The following TSPAN9 variants were observed in gnomAD, a reference collection of about 807,000 sequenced individuals.
TSPAN9 encodes the protein tetraspanin-9.
A neutral mutation model predicts 31.0 loss-of-function variants in TSPAN9; 16 were observed. The ratio of observed to expected loss-of-function variants is 0.52; its 90% confidence interval spans 0.35 to 0.78. TSPAN9 has a LOEUF of 0.78. Among genes scored for constraint, TSPAN9 ranks in the 30% least tolerant of loss-of-function variants. TSPAN9 has a pLI of 0.01. For synonymous variants in TSPAN9, 145 were observed against 121.6 expected (o/e 1.19, Z -1.27); for missense variants, 272 against 312.5 (o/e 0.87, Z 0.98).
At chr12:3,120,498 C>T (rs771861475) in intron 2 of TSPAN9, among the ~76,000 whole-genome samples, 2 of 152,250 alleles carry the variant, frequency 1.3e-5, no homozygotes, top group African/African-American at 2.4e-5. Context: ...TGTGCCAGCC[C>T]TCACTCTGGC....
chr12:3,125,650 T>A (rs1591638685), intron 2 of TSPAN9, among the ~76,000 whole-genome samples: 1 of 152,248 alleles, frequency 6.6e-6, no homozygotes, highest in East Asian at 1.9e-4. Flanking sequence ...GTGGTTCAGA[T>A]GATGTTTGTC....
chr12:3,099,809 G>T (rs548971125), intron 2 of TSPAN9, among the ~76,000 whole-genome samples: 12 of 149,770 alleles, frequency 8.0e-5, no homozygotes, highest in Non-Finnish European at 1.8e-4. Context: ...GGATTCTACC[G>T]AATACCCTGT....
intron 2 of TSPAN9, among the ~76,000 whole-genome samples, chr12:3,126,192 A>G (rs532444915): frequency 2.7e-4 from 41 of 152,236 alleles, no homozygotes; most frequent in Admixed American, 5.2e-4. Flanking sequence ...AAGGGAGAGT[A>G]CTTACAAAAT....
intron 3 of TSPAN9, among the ~76,000 whole-genome samples, chr12:3,258,117 C>T (rs1862383110): frequency 6.6e-6 from 1 of 152,148 alleles, no homozygotes; most frequent in Non-Finnish European, 1.5e-5. Context: ...CAGTGAAGCT[C>T]CTGAGCATGG....
chr12:3,139,861 A>G (rs544499886), intron 2 of TSPAN9, among the ~76,000 whole-genome samples: 1 of 152,182 alleles, frequency 6.6e-6, no homozygotes, highest in East Asian at 1.9e-4. Context: ...GATAGCTTTT[A>G]TGTTCCTTCA....
rs1449564194 is a variant in TSPAN9 at position 3,285,855 on chromosome 12, G to A, written c.*2739G>A. 1 of 152,286 alleles carries A rather than the reference G, an allele frequency of 6.6e-6. No homozygotes were observed. The highest frequency in any genetic ancestry group is 1.5e-5 in the Non-Finnish European group (1 of 68,094). The allele number at this position is 152,286 out of a possible 1,614,324, so 9.4% of individuals were successfully genotyped here. A position where few individuals can be genotyped will look rare whatever the true frequency, so the allele number is the denominator to read the frequency against. On this transcript the variant is annotated 3_prime_UTR_variant, in exon 9 of 9. Coordinates refer to ENST00000011898, the MANE Select transcript of TSPAN9 (RefSeq NM_006675.5). ...CTTTCTCTGCAGCCATCCTGCAGTGGGGGTGAGCGGGCACAGGCTGAGAAC... is the reference window on the plus strand; with the variant it reads ...CTTTCTCTGCAGCCATCCTGCAGTGAGGGTGAGCGGGCACAGGCTGAGAAC...
At chr12:3,149,184 G>A (rs952691317) in intron 2 of TSPAN9, among the ~76,000 whole-genome samples, 1 of 152,170 alleles carries the variant, frequency 6.6e-6, no homozygotes, top group Non-Finnish European at 1.5e-5. Context: ...ATAAATGAAG[G>A]GCTCCTCACC....
At chr12:3,163,102 C>T (rs557729729) in intron 2 of TSPAN9, among the ~76,000 whole-genome samples, 38 of 152,326 alleles carry the variant, frequency 2.5e-4, no homozygotes, top group African/African-American at 7.0e-4. Context: ...CATGCTTGTT[C>T]GTGCAGCTCT....
intron 2 of TSPAN9, among the ~76,000 whole-genome samples, chr12:3,098,484 C>T (rs1207910778): frequency 6.6e-6 from 1 of 152,154 alleles, no homozygotes; most frequent in Non-Finnish European, 1.5e-5. Context: ...TTGCACCTGT[C>T]TAGAACAAGG....
At chr12:3,227,239 A>G (rs1009924458) in intron 3 of TSPAN9, among the ~76,000 whole-genome samples, 13 of 152,162 alleles carry the variant, frequency 8.5e-5, no homozygotes, top group African/African-American at 3.1e-4. Flanking sequence ...GAACACAGGG[A>G]GACTAAGAGC....
intron 2 of TSPAN9, among the ~76,000 whole-genome samples, chr12:3,104,120 C>G (rs1044175060): frequency 2.6e-5 from 4 of 151,928 alleles, no homozygotes; most frequent in East Asian, 1.9e-4. Flanking sequence ...GCACATGAGG[C>G]CTGTTCAAGG....
chr12:3,237,044 A>G (rs1000429522), intron 3 of TSPAN9, among the ~76,000 whole-genome samples: 16 of 152,134 alleles, frequency 1.1e-4, no homozygotes, highest in African/African-American at 3.1e-4. Context: ...GGGAGGGGCC[A>G]TTGCTTTGAA....
At chr12:3,212,063 C>T in intron 3 of TSPAN9, 1 of 581,346 alleles carries the variant, frequency 1.7e-6, no homozygotes, top group Non-Finnish European at 3.0e-6. Context: ...CCTCTGCCTC[C>T]CAGGTTCAAG....
chr12:3,127,342 A>C (rs1009226893), intron 2 of TSPAN9, among the ~76,000 whole-genome samples: 4 of 151,850 alleles, frequency 2.6e-5, no homozygotes, highest in African/African-American at 9.7e-5. Flanking sequence ...AGGCCGTTTT[A>C]CTTAACTTTA....
At chr12:3,211,055 C>T (rs1460015265) in intron 3 of TSPAN9, among the ~76,000 whole-genome samples, 3 of 152,126 alleles carry the variant, frequency 2.0e-5, no homozygotes, top group Non-Finnish European at 4.4e-5. Context: ...TTCAGCTTTA[C>T]AGCCTGGTAG....
chr12:3,179,257 G>C (rs1450450591), intron 2 of TSPAN9, among the ~76,000 whole-genome samples: 3 of 152,070 alleles, frequency 2.0e-5, no homozygotes, highest in African/African-American at 7.2e-5. Context: ...GACCATGCTG[G>C]GTGCATTACA....
chr12:3,129,443 C>G (rs941971354), intron 2 of TSPAN9, among the ~76,000 whole-genome samples: 2 of 152,238 alleles, frequency 1.3e-5, no homozygotes, highest in Non-Finnish European at 2.9e-5. Context: ...GTTCCTTCTA[C>G]TACCTCCTGA....
At chr12:3,139,647 G>A (rs1316188597) in intron 2 of TSPAN9, among the ~76,000 whole-genome samples, 1 of 152,180 alleles carries the variant, frequency 6.6e-6, no homozygotes, top group African/African-American at 2.4e-5. Context: ...CCAGGCTCAA[G>A]TCGTTCTCCC....
intron 3 of TSPAN9, among the ~76,000 whole-genome samples, chr12:3,235,240 A>G (rs1229162686): frequency 3.1e-5 from 1 of 32,642 alleles, no homozygotes; most frequent in Non-Finnish European, 6.2e-5. Flanking sequence ...ATATATATAT[A>G]TATATATATA....
Sources: allele counts gnomAD v4.1 joint callset (sites outside exome capture counted in the v4.1 genomes callset), GRCh38; gene constraint gnomAD v4.1.1; transcripts MANE v1.5; gene names NCBI Gene and HGNC (gene_info 2026-07-23, HGNC 2026-07-21).